Variants in MTRF1L observed in about 807,000 individuals in gnomAD.
MTRF1L encodes the protein mitochondrial translation release factor 1 like, also known as peptide chain release factor 1-like, mitochondrial.
In MTRF1L, 29 loss-of-function variants were observed where a neutral mutation model predicts 40.0. That is an observed-to-expected ratio of 0.73 (90% CI 0.54 to 0.99). MTRF1L has a LOEUF of 0.99. Ranked by LOEUF, MTRF1L falls within the 50% of genes least tolerant of loss-of-function variation. The probability of loss-of-function intolerance (pLI) is 0.00; values close to 1 mark genes in which losing one functional copy is unlikely to be tolerated. For missense variants in MTRF1L, 412 were observed against 464.5 expected (o/e 0.89, Z 1.04); for synonymous variants, 150 against 175.8 (o/e 0.85, Z 1.16).
chr6:152,999,196 ATTG>A (rs1328773866), intron 1 of MTRF1L, among the ~76,000 whole-genome samples: 3 of 152,122 alleles, frequency 2.0e-5, no homozygotes, highest in Admixed American at 6.5e-5. Context: ...CTTTACCTTT[ATTG>A]TTGTTTCATC....
rs1275607230 is a variant in MTRF1L at position 152,991,329 on chromosome 6, G to C, written c.806-8C>G. 1.9e-6 allele frequency: 3 copies of C among 1,564,484 alleles called. No individual in the cohort carries two copies. The highest frequency in any genetic ancestry group is 2.6e-6 in the Non-Finnish European group (3 of 1,158,456). ...GACATTCAGAAACAACACCTGAATA[G>C]TGTTACGAGAATTAAAAAGTTTTAA... On this transcript the variant is annotated splice_region_variant and splice_polypyrimidine_tract_variant and intron_variant, in intron 5 of 6. Coordinates refer to ENST00000367233, the MANE Select transcript of MTRF1L (RefSeq NM_019041.7).
At chr6:152,997,635 C>T (rs1256866462) in intron 2 of MTRF1L, among the ~76,000 whole-genome samples, 1 of 152,054 alleles carries the variant, frequency 6.6e-6, no homozygotes, top group African/African-American at 2.4e-5. Context: ...TCTCAAGGCA[C>T]CTTGCTTATT....
chr6:152,990,541 G>A (rs921908052), intron 6 of MTRF1L: 5 of 155,404 alleles, frequency 3.2e-5, no homozygotes, highest in Non-Finnish European at 5.7e-5. Flanking sequence ...ATTAAATACC[G>A]GCCAGGCGCG....
intron 1 of MTRF1L, among the ~76,000 whole-genome samples, chr6:153,000,632 AG>A: frequency 1.3e-5 from 2 of 152,230 alleles, no homozygotes; most frequent in East Asian, 3.9e-4. Flanking sequence ...CAACCCTTTA[AG>A]TAGCTGCTTA....
At position 153,002,603 on chromosome 6, in the gene MTRF1L, G is replaced by A. The variant is rs540122981; in HGVS notation, c.83C>T (p.Ser28Phe). The change falls in exon 1 of 7, where the codon TCC (serine) becomes TTC (phenylalanine). Residue 28 changes from serine to phenylalanine, a missense_variant. Ser to Phe is a radical substitution (Grantham distance 155). Coordinates refer to ENST00000367233, the MANE Select transcript of MTRF1L (RefSeq NM_019041.7). ...AVGPARRPLSSGSPPLEELFT... is the reference protein window; with the variant it reads ...AVGPARRPLSFGSPPLEELFT... ...CAGCTCCTCCAGCGGCGGGCTACCG[G>A]AGCTCAGGGGCCGGCGGGCTGGGCC... 197 of 1,547,070 alleles carry A rather than the reference G, an allele frequency of 1.3e-4. No homozygotes were observed. In the African/African-American group the frequency reaches 2.2e-3, roughly 17 times the overall value.
At chr6:152,996,038 C>G (rs1186258993) in intron 2 of MTRF1L, among the ~76,000 whole-genome samples, 1 of 152,164 alleles carries the variant, frequency 6.6e-6, no homozygotes, top group Non-Finnish European at 1.5e-5. Flanking sequence ...AAGCTACCAA[C>G]ATTTTATTGG....
chr6:152,989,753 A>G lies in MTRF1L; in HGVS notation c.*142T>C. The stretch of plus-strand genomic sequence containing the variant: ...AATGCATTGAGAGAGATCTGTGTAA[A>G]TTATCTATGACTTCAGAATATGCAT... On this transcript the variant is annotated 3_prime_UTR_variant, in exon 7 of 7. Coordinates refer to ENST00000367233, the MANE Select transcript of MTRF1L (RefSeq NM_019041.7). 2 of 904,922 alleles carry G rather than the reference A, an allele frequency of 2.2e-6. No homozygotes were observed. Among genetic ancestry groups the G allele is most frequent in the Non-Finnish European group, 3.2e-6 (2 of 623,944 alleles). 56.1% of individuals were successfully genotyped at this position (904,922 alleles called of 1,614,324 possible).
At chr6:152,991,118 T>TA (rs952158314) in intron 6 of MTRF1L, 67 bp downstream of exon 6, 2 of 1,133,050 alleles carry the variant, frequency 1.8e-6, no homozygotes, top group South Asian at 1.6e-5. Context: ...CCAAGTTATT[T>TA]AAAAAAAGCT....
chr6:152,992,749 G>T, intron 5 of MTRF1L, 108 bp downstream of exon 5: 1 of 779,618 alleles, frequency 1.3e-6, no homozygotes, highest in South Asian at 1.7e-5. Flanking sequence ...ACAATCCTTA[G>T]AAGTATATAC....
chr6:152,999,411 AATAC>A (rs906399472), intron 1 of MTRF1L, among the ~76,000 whole-genome samples: 6 of 152,206 alleles, frequency 3.9e-5, no homozygotes, highest in African/African-American at 1.4e-4. Context: ...GAAGTGGGAT[AATAC>A]ATATATAAGA....
intron 2 of MTRF1L, among the ~76,000 whole-genome samples, chr6:152,997,890 ACC>A (rs1179842407): frequency 1.3e-5 from 2 of 152,100 alleles, no homozygotes; most frequent in East Asian, 3.9e-4. Context: ...TGTAAAGGGT[ACC>A]CATTGTTCTT....
chr6:152,998,455 C>T, intron 2 of MTRF1L, 95 bp downstream of exon 2: 4 of 882,936 alleles, frequency 4.5e-6, no homozygotes, highest in Non-Finnish European at 6.5e-6. Flanking sequence ...TTATTCTAAA[C>T]AGTAACAAGC....
Position 152,990,002 on chromosome 6 carries a change from G to C in MTRF1L, c.1036C>G (p.Leu346Val). Residue 346 changes from leucine (L) to valine (V), a missense_variant, in exon 7 of 7, where the codon CTT (leucine) becomes GTT (valine). Physicochemically the swap from Leu to Val is conservative, Grantham distance 32 (BLOSUM62 1). Transcript: ENST00000367233. Reference sequence around the variant, plus strand: ...TAATCTCCTTGCATAAAAGTTTCAAGATCATGCAGCGTCTTGTTTATTCTG... The same window carrying C: ...TAATCTCCTTGCATAAAAGTTTCAACATCATGCAGCGTCTTGTTTATTCTG... ...DHRINKTLHDLETFMQGDYLL... is the reference protein window; with the variant it reads ...DHRINKTLHDVETFMQGDYLL... 4 of 1,613,786 alleles carry C rather than the reference G, an allele frequency of 2.5e-6. No individual in the cohort carries two copies. The highest frequency in any genetic ancestry group is 2.7e-5 in the African/African-American group (2 of 75,000).
intron 1 of MTRF1L, 137 bp downstream of exon 1, chr6:153,002,290 G>C (rs1778947044): frequency 7.6e-7 from 1 of 1,313,008 alleles, no homozygotes; most frequent in African/African-American, 1.5e-5. Flanking sequence ...ACGTAATGAT[G>C]TCCTGACCTC....
intron 3 of MTRF1L, 65 bp downstream of exon 3, chr6:152,995,071 A>T (rs1778667641): frequency 7.2e-7 from 1 of 1,379,494 alleles, no homozygotes; most frequent in East Asian, 2.4e-5. Context: ...TCTAAAGCCT[A>T]GTCATGGTCT....
rs550359476 is a variant in MTRF1L at position 152,989,939 on chromosome 6, C to T, written c.1099G>A (p.Ala367Thr). 1.4e-5 allele frequency: 22 copies of T among 1,613,378 alleles called. No homozygotes were observed. Among genetic ancestry groups the T allele is most frequent in the Middle Eastern group, 1.7e-4 (1 of 6,056 alleles). The part of the protein sequence containing the change: ...DELVQSLKEY[A>T]DYESLVEIIS... ...ATTTCTACTAAAGATTCATAATCGG[C>T]GTATTCCTTCAATGACTGTACAAGT... Residue 367 changes from alanine to threonine, a missense_variant, in exon 7 of 7, where the codon GCC becomes ACC. By Grantham distance (58) the Ala-to-Thr change is moderately conservative. Transcript: ENST00000367233.
intron 1 of MTRF1L, among the ~76,000 whole-genome samples, chr6:153,001,867 A>G (rs928680993): frequency 6.6e-5 from 10 of 152,360 alleles, no homozygotes; most frequent in South Asian, 6.2e-4. Flanking sequence ...TTCTCTGCTT[A>G]AAAACATTTG....
intron 2 of MTRF1L, 110 bp from the exon 3 acceptor site, chr6:152,995,429 T>C: frequency 2.1e-6 from 2 of 947,866 alleles, no homozygotes; most frequent in Non-Finnish European, 3.1e-6. Context: ...GCCAAGCAAA[T>C]AATGTAATAT....
At chr6:152,995,678 A>C (rs1335287824) in intron 2 of MTRF1L, among the ~76,000 whole-genome samples, 1 of 152,182 alleles carries the variant, frequency 6.6e-6, no homozygotes, top group African/African-American at 2.4e-5. Flanking sequence ...AGAAGATTCT[A>C]GATCCATCCT....
Sources: allele counts gnomAD v4.1 joint callset (sites outside exome capture counted in the v4.1 genomes callset), GRCh38; gene constraint gnomAD v4.1.1; transcripts MANE v1.5; gene names NCBI Gene and HGNC (gene_info 2026-07-23, HGNC 2026-07-21).